The following NTM variants were observed in gnomAD, a reference collection of about 807,000 sequenced individuals.
NTM encodes the protein IgLON family member 2.
A neutral mutation model predicts 42.1 loss-of-function variants in NTM; 13 were observed. The ratio of observed to expected loss-of-function variants is 0.31; its 90% CI spans 0.20 to 0.49. The LOEUF (loss-of-function observed/expected upper bound fraction) is 0.49, where lower values mean the gene tolerates loss of function less well. Ranked by LOEUF, NTM falls within the 20% of genes least tolerant of loss-of-function variation. The pLI is 0.99. For synonymous variants in NTM, 187 were observed against 179.2 expected, an observed-to-expected ratio of 1.04 and a Z score of -0.35; for missense variants, 373 against 452.8, an observed-to-expected ratio of 0.82 and a Z score of 1.60.
chr11:132,025,243 A>G (rs1373945357), intron 2 of NTM, among the ~76,000 whole-genome samples: 1 of 152,156 alleles, frequency 6.6e-6, no homozygotes, highest in Non-Finnish European at 1.5e-5. Context: ...GGCTCACGGT[A>G]AGGGAAATTG....
intron 2 of NTM, among the ~76,000 whole-genome samples, chr11:131,994,262 C>T (rs1277336277): frequency 6.6e-6 from 1 of 152,116 alleles, no homozygotes; most frequent in Non-Finnish European, 1.5e-5. Flanking sequence ...TGGTAAACTT[C>T]TTTTGCAGTC....
chr11:132,304,214 G>A (rs2094984753), intron 4 of NTM, among the ~76,000 whole-genome samples: 1 of 152,204 alleles, frequency 6.6e-6, no homozygotes, highest in Non-Finnish European at 1.5e-5. Context: ...GGACCATGAT[G>A]AAGGGGTATT....
rs764972684 is a variant in NTM, at chr11:131,370,861, G to A, written c.55G>A (p.Gly19Arg). The A allele has an allele frequency of 1.9e-6, 3 of 1,614,108 alleles. No individual in the cohort carries two copies. The South Asian group carries it at 3.3e-5, about 18-fold the overall frequency. The change falls in exon 1 of 9, where the codon GGG (glycine) becomes AGG (arginine). Residue 19 changes from glycine to arginine, a missense_variant. Transcript: ENST00000683400. ...HNSISWAIFT[G>R]LAALCLFQGV... ...TTCTATCTCTTGGGCAATCTTCACG[G>A]GGCTGGCTGCTCTGTGTCTCTTCCA...
At chr11:131,478,382 C>T (rs902244404) in intron 1 of NTM, among the ~76,000 whole-genome samples, 1 of 152,168 alleles carries the variant, frequency 6.6e-6, no homozygotes, top group African/African-American at 2.4e-5. Flanking sequence ...GGACACCTTG[C>T]CTAAGAGGTA....
chr11:132,159,334 A>G lies in NTM; in HGVS notation c.400+12820A>G, dbSNP rs983355563. On this transcript the variant is annotated intron_variant, in intron 3 of 8. Transcript: ENST00000683400. Reference sequence around the variant, plus strand: ...TTCCTAAGAGACGCGTTTATTCTCCATGTGTGGTTGCTAAGGGAGTAAGTC... The same window carrying G: ...TTCCTAAGAGACGCGTTTATTCTCCGTGTGTGGTTGCTAAGGGAGTAAGTC... Among the ~76,000 whole-genome samples the G allele has an allele frequency of 7.9e-5, 12 of 152,294 alleles. 1 individual carries two copies. The highest frequency in any genetic ancestry group is 5.2e-4 in the Admixed American group (8 of 15,308).
At chr11:131,797,887 A>T (rs541264787) in intron 1 of NTM, among the ~76,000 whole-genome samples, 10 of 152,318 alleles carry the variant, frequency 6.6e-5, no homozygotes, top group Admixed American at 5.9e-4. Context: ...ACAAATTTTA[A>T]GCAGTCATAA....
chr11:132,283,827 AT>A (rs891309953), intron 4 of NTM, among the ~76,000 whole-genome samples: 15 of 152,070 alleles, frequency 9.9e-5, no homozygotes, highest in African/African-American at 3.6e-4. Flanking sequence ...GAAAGTGGAA[AT>A]GTCCTACCAG....
intron 1 of NTM, among the ~76,000 whole-genome samples, chr11:131,440,391 T>A (rs907738072): frequency 7.2e-5 from 11 of 152,164 alleles, no homozygotes; most frequent in African/African-American, 2.7e-4. Context: ...GTGTCAGTAA[T>A]TTTTTCTGTA....
chr11:131,692,416 A>G (rs963979212), intron 1 of NTM, among the ~76,000 whole-genome samples: 2 of 150,980 alleles, frequency 1.3e-5, no homozygotes, highest in Non-Finnish European at 3.0e-5. Context: ...CAGATCTCTG[A>G]GTGATGCTGA....
At chr11:131,459,692 G>A (rs1951203493) in intron 1 of NTM, among the ~76,000 whole-genome samples, 2 of 152,162 alleles carry the variant, frequency 1.3e-5, no homozygotes, top group Admixed American at 6.5e-5. Flanking sequence ...GGTGGTGGGT[G>A]AATTTGTACC....
intron 1 of NTM, among the ~76,000 whole-genome samples, chr11:131,812,911 G>C (rs1007703839): frequency 6.6e-6 from 1 of 152,158 alleles, no homozygotes; most frequent in African/African-American, 2.4e-5. Context: ...AGGAGATGAG[G>C]CTGGAGAAGT....
chr11:131,718,497 T>C (rs972567192), intron 1 of NTM, among the ~76,000 whole-genome samples: 4 of 152,210 alleles, frequency 2.6e-5, no homozygotes, highest in Admixed American at 6.5e-5. Context: ...TCATGAATTA[T>C]TGGGTTAATC....
chr11:132,002,451 G>A lies in NTM; in HGVS notation c.167+90803G>A, dbSNP rs537168052. On this transcript the variant is annotated intron_variant, in intron 2 of 8. Transcript: ENST00000683400. The surrounding 1 kb of genome is among the most constrained non-coding windows in gnomAD (Gnocchi z 4.5). ...TAGGATAAGAATGAGAATTTTGAGTGTCAGTGATCAACAATTAACCCTACG... is the reference window on the plus strand; with the variant it reads ...TAGGATAAGAATGAGAATTTTGAGTATCAGTGATCAACAATTAACCCTACG... Among the ~76,000 whole-genome samples, 2 of 152,124 alleles carry A rather than the reference G, an allele frequency of 1.3e-5. No homozygotes were observed. Among genetic ancestry groups the A allele is most frequent in the Non-Finnish European group, 2.9e-5 (2 of 68,012 alleles).
At chr11:132,064,746 A>G (rs910727950) in intron 2 of NTM, among the ~76,000 whole-genome samples, 1 of 152,182 alleles carries the variant, frequency 6.6e-6, no homozygotes, top group Non-Finnish European at 1.5e-5. Context: ...AGTCCATTTA[A>G]TTGTTCTTCA....
chr11:131,812,524 T>C (rs1815862), intron 1 of NTM, among the ~76,000 whole-genome samples: 117,652 of 151,930 alleles, frequency 0.77, 46,366 homozygotes, highest in African/African-American at 0.91. Context: ...CTCCATACAA[T>C]GTACACCAGG....
chr11:131,952,165 A>G (rs942197396), intron 2 of NTM, among the ~76,000 whole-genome samples: 2 of 152,044 alleles, frequency 1.3e-5, no homozygotes, highest in African/African-American at 4.8e-5. Context: ...CTCATAAAAC[A>G]CATCTCCGAT....
intron 2 of NTM, among the ~76,000 whole-genome samples, chr11:132,097,109 T>C (rs1591490383): frequency 6.6e-6 from 1 of 152,362 alleles, no homozygotes; most frequent in East Asian, 1.9e-4. Flanking sequence ...AAGACCAATG[T>C]TCCTGTAAAT....
intron 1 of NTM, among the ~76,000 whole-genome samples, chr11:131,780,514 G>A (rs1218142376): frequency 6.6e-6 from 1 of 152,144 alleles, no homozygotes; most frequent in African/African-American, 2.4e-5. Flanking sequence ...AGATCACTAG[G>A]AGAATCTGGT....
chr11:131,659,516 G>C (rs996653655), intron 1 of NTM, among the ~76,000 whole-genome samples: 2 of 152,184 alleles, frequency 1.3e-5, no homozygotes, highest in Middle Eastern at 3.2e-3. Context: ...GCCACTGCTT[G>C]TGATAATACC....
Sources: gnomAD v4.1 joint callset for allele counts (sites outside exome capture counted in the v4.1 genomes callset) on GRCh38, gnomAD v4.1.1 for gene constraint, Gnocchi (gnomAD v3.1) non-coding constraint, MANE v1.5 for transcripts, NCBI Gene and HGNC (gene_info 2026-07-23, HGNC 2026-07-21) for gene names.